KLHL1: variants seen among roughly 807,000 people sequenced by gnomAD.
KLHL1 encodes the protein kelch-like protein 1.
In KLHL1, 47 loss-of-function variants were observed where a neutral mutation model predicts 77.7. The observed-to-expected ratio is 0.60, with a 90% CI of 0.48 to 0.77. KLHL1 has a LOEUF of 0.77. Ranked by LOEUF, KLHL1 falls within the 30% of genes least tolerant of loss-of-function variation. The pLI is 0.00. For missense variants in KLHL1, 925 were observed against 910.8 expected, an observed-to-expected ratio of 1.02 and a Z score of -0.20; for synonymous variants, 360 against 325.2, an observed-to-expected ratio of 1.11 and a Z score of -1.15.
chr13:70,072,638 T>C (rs1480275458), intron 1 of KLHL1, among the ~76,000 whole-genome samples: 1 of 152,022 alleles, frequency 6.6e-6, no homozygotes, highest in Non-Finnish European at 1.5e-5. Flanking sequence ...TGCTTTGTCA[T>C]TCAGAAAACA....
At chr13:70,041,134 T>G (rs1310171615) in intron 1 of KLHL1, among the ~76,000 whole-genome samples, 1 of 152,136 alleles carries the variant, frequency 6.6e-6, no homozygotes, top group Non-Finnish European at 1.5e-5. Context: ...TTTAAAAAAT[T>G]TTTTTTATTT....
intron 1 of KLHL1, among the ~76,000 whole-genome samples, chr13:70,047,902 A>G (rs1886541627): frequency 6.6e-6 from 1 of 152,204 alleles, no homozygotes; most frequent in Non-Finnish European, 1.5e-5. Context: ...TTAGGTGCTC[A>G]GTTTTAAAAT....
intron 1 of KLHL1, among the ~76,000 whole-genome samples, chr13:70,077,778 A>C (rs940250738): frequency 6.6e-6 from 1 of 152,042 alleles, no homozygotes; most frequent in South Asian, 2.1e-4. Context: ...AAAATTGATA[A>C]TGAGCTGAAC....
rs188514347 is a variant in KLHL1, at chr13:70,035,286, T to G, written c.498-59484A>C. Among the ~76,000 whole-genome samples the G allele has an allele frequency of 5.7e-4, 86 of 152,176 alleles. 1 individual carries two copies. The East Asian group carries it at 0.015, about 26-fold the overall frequency. ...TGAGATCTTGTCATTTACAACAACA[T>G]GGATGGAACTGGAGATCATGATATT... On this transcript the variant is annotated intron_variant, in intron 1 of 10. Coordinates refer to ENST00000377844, the MANE Select transcript of KLHL1 (RefSeq NM_020866.3).
intron 1 of KLHL1, among the ~76,000 whole-genome samples, chr13:70,065,176 T>C (rs1886977391): frequency 6.6e-6 from 1 of 152,166 alleles, no homozygotes; most frequent in South Asian, 2.1e-4. Flanking sequence ...AGTGATTCTT[T>C]TGTGACTGTA....
At chr13:70,047,530 A>T (rs1237755284) in intron 1 of KLHL1, among the ~76,000 whole-genome samples, 1 of 152,068 alleles carries the variant, frequency 6.6e-6, no homozygotes, top group East Asian at 1.9e-4. Flanking sequence ...ACTGTTTCTC[A>T]ATAATAATGT....
chr13:69,908,569 A>G (rs1016627381), intron 4 of KLHL1, among the ~76,000 whole-genome samples: 1 of 150,604 alleles, frequency 6.6e-6, no homozygotes, highest in South Asian at 2.1e-4. Flanking sequence ...CTAAAATATA[A>G]AAGATTCATT....
chr13:69,800,710 A>T (rs1456618094), intron 6 of KLHL1, among the ~76,000 whole-genome samples: 1 of 152,066 alleles, frequency 6.6e-6, no homozygotes, highest in Non-Finnish European at 1.5e-5. Context: ...TTAATTTATC[A>T]ATTTGTGAGT....
chr13:69,760,458 C>T (rs1486876807), intron 7 of KLHL1, among the ~76,000 whole-genome samples: 1 of 151,964 alleles, frequency 6.6e-6, no homozygotes, highest in Admixed American at 6.6e-5. Context: ...CAGTTTCAAG[C>T]GATTCTCCTG....
intron 5 of KLHL1, among the ~76,000 whole-genome samples, chr13:69,875,566 A>G (rs908575958): frequency 6.6e-6 from 1 of 152,154 alleles, no homozygotes; most frequent in African/African-American, 2.4e-5. Flanking sequence ...TTGCTATACC[A>G]AAGAGAGTAA....
At chr13:69,879,821 A>G (rs965630191) in intron 5 of KLHL1, among the ~76,000 whole-genome samples, 3 of 152,014 alleles carry the variant, frequency 2.0e-5, no homozygotes, top group African/African-American at 7.2e-5. Context: ...CTTTAAAACT[A>G]AAGAAGATGG....
At chr13:69,945,559 T>C (rs963329013) in intron 3 of KLHL1, among the ~76,000 whole-genome samples, 1 of 152,002 alleles carries the variant, frequency 6.6e-6, no homozygotes, top group African/African-American at 2.4e-5. Flanking sequence ...GATAAAATAT[T>C]ATATACGGAA....
rs532609308 is a variant in KLHL1, at chr13:69,958,262, T to C, written c.817+3046A>G. ...CAAATAATAATAATAATAATAATAA[T>C]GTAAGTCTACATGTTTGCTTTAGTT... On this transcript the variant is annotated intron_variant, in intron 3 of 10. Coordinates refer to ENST00000377844, the MANE Select transcript of KLHL1 (RefSeq NM_020866.3). Among the ~76,000 whole-genome samples the C allele has an allele frequency of 2.0e-5, 3 of 151,698 alleles. No homozygotes were observed. In the East Asian group the frequency reaches 5.8e-4, roughly 29 times the overall value.
At chr13:70,034,879 T>TATTA (rs1163372339) in intron 1 of KLHL1, among the ~76,000 whole-genome samples, 2 of 152,188 alleles carry the variant, frequency 1.3e-5, no homozygotes, top group Admixed American at 6.5e-5. Flanking sequence ...ACATCTCTAA[T>TATTA]GTTTCTACGT....
intron 1 of KLHL1, among the ~76,000 whole-genome samples, chr13:70,075,639 T>C (rs1887250197): frequency 7.0e-6 from 1 of 142,894 alleles, no homozygotes; most frequent in Non-Finnish European, 1.5e-5. Context: ...TATATATATA[T>C]AGGACTTTTA....
intron 5 of KLHL1, among the ~76,000 whole-genome samples, chr13:69,878,417 G>C (rs1593911499): frequency 6.6e-6 from 1 of 151,882 alleles, no homozygotes; most frequent in East Asian, 1.9e-4. Flanking sequence ...ATTTACATCT[G>C]CAGGAATTAC....
At chr13:69,831,280 A>G (rs1480005814) in intron 6 of KLHL1, among the ~76,000 whole-genome samples, 2 of 150,040 alleles carry the variant, frequency 1.3e-5, no homozygotes, top group Non-Finnish European at 3.0e-5. Context: ...AACTGATAAC[A>G]CAGAAATAGA....
At chr13:69,728,651 A>G (rs981171160) in intron 8 of KLHL1, among the ~76,000 whole-genome samples, 1 of 148,172 alleles carries the variant, frequency 6.7e-6, no homozygotes, top group Non-Finnish European at 1.5e-5. Flanking sequence ...AAAAATGCCA[A>G]AAAAAAAAAA....
At chr13:69,846,243 G>T (rs139799398) in intron 5 of KLHL1, among the ~76,000 whole-genome samples, 374 of 151,624 alleles carry the variant, frequency 2.5e-3, no homozygotes, top group African/African-American at 8.7e-3. Flanking sequence ...AACTCTGTCA[G>T]CTAGGTGGTC....
Sources: gnomAD v4.1 joint callset for allele counts (sites outside exome capture counted in the v4.1 genomes callset) on GRCh38, gnomAD v4.1.1 for gene constraint, MANE v1.5 for transcripts, NCBI Gene and HGNC (gene_info 2026-07-23, HGNC 2026-07-21) for gene names.